VWA8: variants seen among roughly 807,000 people sequenced by gnomAD.
The protein encoded by VWA8 is von Willebrand factor A domain-containing protein 8.
In VWA8, 221 loss-of-function variants were observed where a neutral mutation model predicts 241.5. That is an observed-to-expected ratio of 0.91 (90% CI 0.82 to 1.02). The LOEUF (loss-of-function observed/expected upper bound fraction) is 1.02, where lower values mean the gene tolerates loss of function less well. VWA8 is among the 50% of genes least tolerant of loss of function. The pLI is 0.00. For missense variants in VWA8, 2,322 were observed against 2,328.7 expected, an observed-to-expected ratio of 1.00 and a Z score of 0.06; for synonymous variants, 852 against 827.1, an observed-to-expected ratio of 1.03 and a Z score of -0.52.
chr13:41,891,649 T>C (rs1874853380), intron 4 of VWA8, 62 bp from the exon 5 acceptor site: 1 of 1,552,192 alleles, frequency 6.4e-7, no homozygotes, highest in Non-Finnish European at 8.8e-7. Context: ...TGGCCTAACA[T>C]TACTTGTAAT....
At chr13:41,701,680 T>C in intron 27 of VWA8, 150 bp from the exon 28 acceptor site, 3 of 606,488 alleles carry the variant, frequency 4.9e-6, no homozygotes, top group Non-Finnish European at 7.6e-6. Flanking sequence ...TTAGTACTCA[T>C]AACAGTAATA....
chr13:41,921,744 T>G (rs1397119993), intron 2 of VWA8, among the ~76,000 whole-genome samples: 1 of 152,144 alleles, frequency 6.6e-6, no homozygotes. Context: ...GAAGGACCTC[T>G]TCAAGGAGAA....
chr13:41,695,471 A>G (rs1283565506), intron 29 of VWA8, among the ~76,000 whole-genome samples: 1 of 152,192 alleles, frequency 6.6e-6, no homozygotes, highest in Admixed American at 6.5e-5. Flanking sequence ...TAGAATGAAG[A>G]AGAAGGAATT....
At chr13:41,595,531 G>A (rs1399235156) in intron 40 of VWA8, among the ~76,000 whole-genome samples, 1 of 152,032 alleles carries the variant, frequency 6.6e-6, no homozygotes, top group East Asian at 1.9e-4. Context: ...CCTTCTCCCT[G>A]CCAAAGGTAA....
At chr13:41,633,412 C>G (rs1423576901) in intron 37 of VWA8, among the ~76,000 whole-genome samples, 1 of 152,166 alleles carries the variant, frequency 6.6e-6, no homozygotes, top group South Asian at 2.1e-4. Flanking sequence ...GCCATTGCCA[C>G]TGCGGCTGTG....
At chr13:41,568,441 T>C in intron 44 of VWA8, 136 bp from the exon 45 acceptor site, 2 of 594,630 alleles carry the variant, frequency 3.4e-6, no homozygotes, top group Non-Finnish European at 6.0e-6. Flanking sequence ...GCTCTCTGCC[T>C]ACCATTGAAT....
chr13:41,616,852 A>G (rs572011825), intron 37 of VWA8, among the ~76,000 whole-genome samples: 2 of 152,300 alleles, frequency 1.3e-5, no homozygotes, highest in East Asian at 3.9e-4. Context: ...AGCTTGCCTC[A>G]GACCTGGAGA....
At chr13:41,915,744 C>T (rs949045184) in intron 2 of VWA8, among the ~76,000 whole-genome samples, 2 of 152,196 alleles carry the variant, frequency 1.3e-5, no homozygotes, top group Non-Finnish European at 2.9e-5. Flanking sequence ...CTAAGGCTCT[C>T]ATCATCACAT....
At chr13:41,878,782 C>T (rs1874024147) in intron 9 of VWA8, among the ~76,000 whole-genome samples, 1 of 152,124 alleles carries the variant, frequency 6.6e-6, no homozygotes, top group Admixed American at 6.6e-5. Flanking sequence ...TGAAGCAACA[C>T]TAGCTACTTT....
intron 12 of VWA8, among the ~76,000 whole-genome samples, chr13:41,858,142 C>T (rs1259845193): frequency 6.6e-6 from 1 of 152,132 alleles, no homozygotes; most frequent in African/African-American, 2.4e-5. Context: ...AGTTCTCAGC[C>T]TCCATAATCT....
intron 42 of VWA8, among the ~76,000 whole-genome samples, chr13:41,581,963 A>G (rs542213967): frequency 6.6e-6 from 1 of 152,370 alleles, no homozygotes; most frequent in African/African-American, 2.4e-5. Flanking sequence ...ACAACGGTTC[A>G]CAAAAACAGT....
At chr13:41,786,938 C>A (rs1869217140) in intron 18 of VWA8, among the ~76,000 whole-genome samples, 2 of 151,732 alleles carry the variant, frequency 1.3e-5, no homozygotes, top group East Asian at 3.9e-4. Context: ...AAAAGTACCA[C>A]AAAAGACAAT....
chr13:41,786,216 A>C (rs571967656), intron 18 of VWA8, among the ~76,000 whole-genome samples: 29 of 152,144 alleles, frequency 1.9e-4, no homozygotes, highest in East Asian at 3.8e-4. Flanking sequence ...TGGTTTCTCT[A>C]TATATATAAT....
Position 41,689,337 on chromosome 13 carries a change from A to T in VWA8, c.4131+17T>A. On this transcript the variant is annotated intron_variant, in intron 34 of 44. Transcript: ENST00000379310. ...GAAAGAAACATTTATCCGATAATTTAAAAAATGGGTGCTTACCATGAGATC... is the reference window on the plus strand; with the variant it reads ...GAAAGAAACATTTATCCGATAATTTTAAAAATGGGTGCTTACCATGAGATC... 1 of 1,600,966 alleles carries T rather than the reference A, an allele frequency of 6.2e-7. No homozygotes were observed. Among genetic ancestry groups the T allele is most frequent in the African/African-American group, 1.3e-5 (1 of 74,390 alleles).
At chr13:41,608,169 C>T (rs1411414917) in intron 39 of VWA8, among the ~76,000 whole-genome samples, 2 of 152,148 alleles carry the variant, frequency 1.3e-5, no homozygotes, top group Non-Finnish European at 2.9e-5. Flanking sequence ...AGGCCTACCA[C>T]TGGTGCGATC....
In VWA8 at chr13:41,570,712, G is replaced by C; in HGVS notation, c.5371-6C>G. 1 of 1,605,644 alleles carries C rather than the reference G, an allele frequency of 6.2e-7. No individual in the cohort carries two copies. Among genetic ancestry groups the C allele is most frequent in the African/African-American group, 1.3e-5 (1 of 74,900 alleles). ...TGAGAGTGGGCATGCATTGTCTGGA[G>C]GTAAAAGAAGTTGCACAAAAGCCAT... On this transcript the variant is annotated splice_polypyrimidine_tract_variant and splice_region_variant and intron_variant, in intron 43 of 44. Coordinates refer to ENST00000379310, the MANE Select transcript of VWA8 (RefSeq NM_015058.2).
In VWA8 at chr13:41,695,417, T is replaced by C. The variant is rs144412777; in HGVS notation, c.3565-2445A>G. 1.3e-3 allele frequency among the ~76,000 whole-genome samples: 202 copies of C among 152,334 alleles called. 1 individual carries two copies. Among genetic ancestry groups the C allele is most frequent in the African/African-American group, 4.7e-3 (196 of 41,582 alleles). ...AAAAGGCAAGGAATAGCCGAATTCA[T>C]GGAAGTACTTCTCTATAATATTTTG... On this transcript the variant is annotated intron_variant, in intron 29 of 44. Coordinates refer to ENST00000379310, the MANE Select transcript of VWA8 (RefSeq NM_015058.2).
chr13:41,726,991 T>C (rs1038861456), intron 24 of VWA8, among the ~76,000 whole-genome samples: 1 of 152,016 alleles, frequency 6.6e-6, no homozygotes, highest in African/African-American at 2.4e-5. Flanking sequence ...CGAGACTCCA[T>C]CTCGGAAAAA....
chr13:41,682,931 C>T (rs1040122323), intron 35 of VWA8, among the ~76,000 whole-genome samples: 5 of 152,142 alleles, frequency 3.3e-5, no homozygotes, highest in Non-Finnish European at 5.9e-5. Flanking sequence ...ACTACACTCA[C>T]TAGAATGGTG....
Sources: allele counts gnomAD v4.1 joint callset (sites outside exome capture counted in the v4.1 genomes callset), GRCh38; gene constraint gnomAD v4.1.1; transcripts MANE v1.5; gene names NCBI Gene and HGNC (gene_info 2026-07-23, HGNC 2026-07-21).